PIEZO2: variants seen among roughly 807,000 people sequenced by gnomAD.
PIEZO2 encodes piezo-type mechanosensitive ion channel component 2.
Under a neutral mutation model 337.3 loss-of-function variants are expected in PIEZO2, and 172 were observed. The ratio of observed to expected loss-of-function variants is 0.51; its 90% CI spans 0.45 to 0.58. PIEZO2 has a LOEUF of 0.58. Among genes scored for constraint, PIEZO2 ranks in the 20% least tolerant of loss-of-function variants. The pLI is 0.00. For missense variants in PIEZO2, 3,028 were observed against 3,391.3 expected, an observed-to-expected ratio of 0.89 and a Z score of 2.66; for synonymous variants, 1,251 against 1,228.5, an observed-to-expected ratio of 1.02 and a Z score of -0.38.
intron 4 of PIEZO2, among the ~76,000 whole-genome samples, chr18:10,909,154 G>A (rs772893193): frequency 2.6e-5 from 4 of 152,174 alleles, no homozygotes; most frequent in Admixed American, 6.5e-5. Context: ...TCAAAAGGAC[G>A]AGAAGTCAAC....
Position 10,707,581 on chromosome 18 carries a change from TAAGGC to T in PIEZO2, c.5588+689_5588+693del, listed in dbSNP as rs1215287766. 6.6e-6 allele frequency among the ~76,000 whole-genome samples: 1 copy of T among 152,234 alleles called. No individual in the cohort carries two copies. Among genetic ancestry groups the T allele is most frequent in the Non-Finnish European group, 1.5e-5 (1 of 68,034 alleles). On this transcript the variant is annotated intron_variant, in intron 40 of 55. Transcript: ENST00000674853. The surrounding 1 kb of genome is among the most constrained non-coding windows in gnomAD (Gnocchi z 4.2). ...ACTTCATTGTGCCCCCTCACCATCC[TAAGGC>T]AATTCAAAAAGAGTTTTCGGGTTGT...
At chr18:10,787,815 G>A (rs2039275964) in intron 15 of PIEZO2, among the ~76,000 whole-genome samples, 1 of 152,094 alleles carries the variant, frequency 6.6e-6, no homozygotes, top group Admixed American at 6.6e-5. Context: ...ACTCTTTCAT[G>A]TGTTTCTATT....
intron 1 of PIEZO2, among the ~76,000 whole-genome samples, chr18:11,147,065 A>G (rs2040828736): frequency 6.6e-6 from 1 of 152,234 alleles, no homozygotes. Flanking sequence ...CGCTTAGGAT[A>G]CAGAGATGAT....
rs905434141 is a variant in PIEZO2 at position 10,925,585 on chromosome 18, AT to A, written c.287-14358del. Reference sequence around the variant, plus strand: ...GGGTTTATACAAAAAGTGAAAAAAAATTTTTTTTTTCTGAGACGTAGTCTCC... The same window carrying A: ...GGGTTTATACAAAAAGTGAAAAAAAATTTTTTTTTCTGAGACGTAGTCTCC... On this transcript the variant is annotated intron_variant, in intron 3 of 55. Transcript: ENST00000674853. Among the ~76,000 whole-genome samples the A allele has an allele frequency of 9.2e-5, 14 of 151,958 alleles. No individual in the cohort carries two copies. In the East Asian group the frequency reaches 1.2e-3, roughly 13 times the overall value.
intron 21 of PIEZO2, among the ~76,000 whole-genome samples, chr18:10,768,237 C>T (rs2038449305): frequency 6.6e-6 from 1 of 152,118 alleles, no homozygotes; most frequent in Admixed American, 6.5e-5. Context: ...ATTTTGCTCA[C>T]TTAAGTCACT....
chr18:10,682,826 G>T lies in PIEZO2; in HGVS notation c.7498-534C>A, dbSNP rs188076092. Among the ~76,000 whole-genome samples the T allele has an allele frequency of 4.5e-4, 69 of 151,844 alleles. No homozygotes were observed. Among genetic ancestry groups the T allele is most frequent in the Non-Finnish European group, 9.0e-4 (61 of 67,980 alleles). Reference sequence around the variant, plus strand: ...AGGTAAGATTTGTATGATTAGAAGAGCCCCCTCTGGGCACTGGCTGTAGGG... The same window carrying T: ...AGGTAAGATTTGTATGATTAGAAGATCCCCCTCTGGGCACTGGCTGTAGGG... On this transcript the variant is annotated intron_variant, in intron 49 of 55. Transcript: ENST00000674853. The surrounding 1 kb of genome is among the most constrained non-coding windows in gnomAD (Gnocchi z 5.6).
At position 10,744,188 on chromosome 18, in the gene PIEZO2, C is replaced by T. The variant is rs2037334585; in HGVS notation, c.4468G>A (p.Ala1490Thr). 1.3e-6 allele frequency: 2 copies of T among 1,536,878 alleles called. No homozygotes were observed. Among genetic ancestry groups the T allele is most frequent in the African/African-American group, 2.7e-5 (2 of 73,030 alleles). The change falls in exon 31 of 56, where the codon GCA becomes ACA. Residue 1490 changes from alanine to threonine, a missense_variant. By Grantham distance (58) the Ala-to-Thr change is moderately conservative (BLOSUM62 0). Transcript: ENST00000674853. ...GACTTCTTCTCTTCCTCAATTCTTGCCTTTACAGCTTTTACAATTGTGGCC... is the reference window on the plus strand; with the variant it reads ...GACTTCTTCTCTTCCTCAATTCTTGTCTTTACAGCTTTTACAATTGTGGCC... ...FQATIVKAVK[A>T]RIEEEKKSMD...
Position 10,726,371 on chromosome 18 carries a change from C to A in PIEZO2, c.5029+5036G>T. 2 of 1,516,430 alleles carry A rather than the reference C, an allele frequency of 1.3e-6. No individual in the cohort carries two copies. Among genetic ancestry groups the A allele is most frequent in the Non-Finnish European group, 1.8e-6 (2 of 1,138,390 alleles). 93.9% of individuals were successfully genotyped at this position (1,516,430 alleles called of 1,614,324 possible). ...CTCCCTTCGCCTTCCCCGCAGGCAC[C>A]CACTACCTGCGGGGCGGTAACAACG... On this transcript the variant is annotated intron_variant, in intron 36 of 55. Coordinates refer to ENST00000674853, the MANE Select transcript of PIEZO2 (RefSeq NM_001378183.1). This position sits in a 1 kb window ranked among gnomAD's most constrained non-coding sequence, Gnocchi z 5.9.
chr18:10,788,427 AAAGGAAGGAAGG>A (rs10532745), intron 15 of PIEZO2, among the ~76,000 whole-genome samples: 6,964 of 123,918 alleles, frequency 0.056, 222 homozygotes, highest in African/African-American at 0.095. Flanking sequence ...AAAAAGAAAG[AAAGGAAGGAAGG>A]AAGGAAGGAA....
chr18:10,896,309 G>A (rs1466249742), intron 4 of PIEZO2, among the ~76,000 whole-genome samples: 3 of 152,106 alleles, frequency 2.0e-5, no homozygotes, highest in Non-Finnish European at 4.4e-5. Context: ...ATCTGACAAT[G>A]TGGGGCGAGG....
intron 5 of PIEZO2, among the ~76,000 whole-genome samples, chr18:10,858,045 G>T (rs2144710818): frequency 6.7e-6 from 1 of 148,452 alleles, no homozygotes; most frequent in African/African-American, 2.5e-5. Flanking sequence ...TAAGTGGCTG[G>T]GTGCGGTGGC....
chr18:11,145,702 A>G (rs1029781020), intron 1 of PIEZO2, among the ~76,000 whole-genome samples: 1 of 152,236 alleles, frequency 6.6e-6, no homozygotes, highest in Non-Finnish European at 1.5e-5. Flanking sequence ...CACTTCTTGC[A>G]GAAAAGAATC....
chr18:10,818,484 A>C (rs1001411985), intron 7 of PIEZO2, among the ~76,000 whole-genome samples: 2 of 152,216 alleles, frequency 1.3e-5, no homozygotes, highest in Non-Finnish European at 2.9e-5. Flanking sequence ...TTTACTCTAG[A>C]TGAATTCGAG....
At chr18:10,906,612 G>A (rs1366124156) in intron 4 of PIEZO2, among the ~76,000 whole-genome samples, 2 of 151,970 alleles carry the variant, frequency 1.3e-5, no homozygotes, top group Non-Finnish European at 2.9e-5. Flanking sequence ...CCAGGCTGGA[G>A]TGCAGAGGGG....
intron 55 of PIEZO2, 152 bp from the exon 56 acceptor site, chr18:10,671,931 G>T: frequency 1.5e-6 from 1 of 678,096 alleles, no homozygotes; most frequent in East Asian, 3.1e-5. Flanking sequence ...TGGTTAAAAA[G>T]TTGACTTTTT....
intron 4 of PIEZO2, among the ~76,000 whole-genome samples, chr18:10,874,271 C>T (rs1400727908): frequency 6.6e-6 from 1 of 151,964 alleles, no homozygotes; most frequent in Non-Finnish European, 1.5e-5. Context: ...ACGAGTTATC[C>T]TCTCACCCTA....
intron 1 of PIEZO2, among the ~76,000 whole-genome samples, chr18:11,107,506 T>G (rs1410463996): frequency 6.6e-6 from 1 of 152,172 alleles, no homozygotes; most frequent in Non-Finnish European, 1.5e-5. Context: ...TTGAATCTGT[T>G]TTTACAAGAT....
At chr18:11,144,619 C>A (rs2040760083) in intron 1 of PIEZO2, among the ~76,000 whole-genome samples, 2 of 152,224 alleles carry the variant, frequency 1.3e-5, no homozygotes, top group Middle Eastern at 3.2e-3. Context: ...AATTTTTACT[C>A]ACATTTTAAT....
intron 21 of PIEZO2, among the ~76,000 whole-genome samples, chr18:10,765,181 G>A (rs1424233411): frequency 1.3e-5 from 2 of 152,236 alleles, no homozygotes; most frequent in South Asian, 2.1e-4. Context: ...TGGTGACAGC[G>A]TAAGGGGACT....
Sources: allele counts gnomAD v4.1 joint callset (sites outside exome capture counted in the v4.1 genomes callset), GRCh38; gene constraint gnomAD v4.1.1; non-coding constraint Gnocchi (gnomAD v3.1); transcripts MANE v1.5; gene names NCBI Gene and HGNC (gene_info 2026-07-23, HGNC 2026-07-21).